Variants in NAV3 observed in about 807,000 individuals in gnomAD.
NAV3 encodes the protein pore membrane and/or filament interacting like protein 1.
In NAV3, 87 loss-of-function variants were observed where a neutral mutation model predicts 244.7. The ratio of observed to expected loss-of-function variants is 0.36; its 90% CI spans 0.30 to 0.42. NAV3 has a LOEUF of 0.42. NAV3 is among the 20% of genes least tolerant of loss of function. NAV3 has a pLI of 1.00. For missense variants in NAV3, 2,663 were observed against 2,893.3 expected (o/e 0.92, Z 1.83); for synonymous variants, 1,126 against 1,042.2 (o/e 1.08, Z -1.55).
intron 9 of NAV3, among the ~76,000 whole-genome samples, chr12:78,026,748 A>G (rs770125): frequency 0.55 from 83,688 of 151,972 alleles, 23,365 homozygotes; most frequent in African/African-American, 0.6. Context: ...TTCTACTTTT[A>G]TCTATTAAGT....
chr12:77,653,322 A>G lies in NAV3; in HGVS notation c.72+81056A>G, dbSNP rs553895150. Among the ~76,000 whole-genome samples the G allele has an allele frequency of 3.0e-4, 46 of 152,342 alleles. 1 individual carries two copies. The Middle Eastern group carries it at 0.01, about 34-fold the overall frequency. The stretch of plus-strand genomic sequence containing the variant: ...GTGCTAATTGAGTATTTGTTGACTG[A>G]CTGAATGAATAAATAAATATTCAGT... On this transcript the variant is annotated intron_variant, in intron 2 of 8. Coordinates refer to the NAV3 transcript ENST00000550042.
chr12:77,758,932 G>A (rs1869328496), intron 2 of NAV3, among the ~76,000 whole-genome samples: 1 of 152,140 alleles, frequency 6.6e-6, no homozygotes, highest in Admixed American at 6.6e-5. Context: ...ATTTCAATAT[G>A]TTCTTAATCT....
At chr12:78,007,836 G>T (rs1460488148) in intron 8 of NAV3, among the ~76,000 whole-genome samples, 1 of 152,072 alleles carries the variant, frequency 6.6e-6, no homozygotes, top group Non-Finnish European at 1.5e-5. Context: ...TATTTTTGTT[G>T]TCATCTTTGG....
At chr12:77,790,036 T>C (rs1000140240) in intron 2 of NAV3, among the ~76,000 whole-genome samples, 9 of 152,238 alleles carry the variant, frequency 5.9e-5, no homozygotes, top group African/African-American at 2.2e-4. Flanking sequence ...TTTTGAGACG[T>C]GGCAAGTCTG....
intron 2 of NAV3, among the ~76,000 whole-genome samples, chr12:77,674,286 A>C (rs1285879000): frequency 6.6e-6 from 1 of 152,126 alleles, no homozygotes; most frequent in Non-Finnish European, 1.5e-5. Context: ...TGACATTTGG[A>C]TTTCTTGCCC....
intron 2 of NAV3, among the ~76,000 whole-genome samples, chr12:77,690,355 A>C (rs1389856716): frequency 1.3e-5 from 2 of 151,846 alleles, no homozygotes; most frequent in African/African-American, 4.8e-5. Context: ...TGAATTTGGA[A>C]CATTAAAAGG....
rs79292002 is a variant in NAV3, at chr12:77,615,282, T to C, written c.72+43016T>C. Among the ~76,000 whole-genome samples, 955 of 152,292 alleles carry C rather than the reference T, an allele frequency of 6.3e-3. 8 individuals are homozygous for C. Among genetic ancestry groups the C allele is most frequent in the African/African-American group, 0.022 (916 of 41,564 alleles). On this transcript the variant is annotated intron_variant, in intron 2 of 8. Coordinates refer to the NAV3 transcript ENST00000550042. The stretch of plus-strand genomic sequence containing the variant: ...TTATTTTTTTGGGTTCGGGAGTACA[T>C]GTACAGGTTTGTTACATGGGTAAAC...
intron 3 of NAV3, among the ~76,000 whole-genome samples, chr12:77,952,589 G>A (rs1479017): frequency 6.6e-6 from 1 of 151,966 alleles, no homozygotes; most frequent in African/African-American, 2.4e-5. Flanking sequence ...TGGCAATTTA[G>A]GTCTTTTGAC....
rs1884750351 is a variant in NAV3, at chr12:78,064,437, G to GCCTT, written c.2636+5325_2636+5326insTCCT. 4.6e-5 allele frequency among the ~76,000 whole-genome samples: 7 copies of GCCTT among 151,392 alleles called. No homozygotes were observed. The South Asian group carries it at 1.5e-3, about 32-fold the overall frequency. ...TGTCTGTCTGTCTGTCTGCCTGCCT[G>GCCTT]CCTGCCTGCCTGCCTGCCTGCCTGC... On this transcript the variant is annotated intron_variant, in intron 12 of 39. Transcript: ENST00000397909.
intron 2 of NAV3, among the ~76,000 whole-genome samples, chr12:77,733,185 T>C (rs1327829136): frequency 6.6e-6 from 1 of 151,944 alleles, no homozygotes; most frequent in Middle Eastern, 3.2e-3. Context: ...AGTGTGCTAG[T>C]AGGCACAGAG....
At chr12:77,862,308 C>T (rs533256670) in intron 1 of NAV3, among the ~76,000 whole-genome samples, 4 of 151,794 alleles carry the variant, frequency 2.6e-5, no homozygotes, top group Admixed American at 1.3e-4. Flanking sequence ...TTTGGTGTGA[C>T]GTTTTAATTA....
chr12:78,120,828 T>A (rs575888582), intron 15 of NAV3, among the ~76,000 whole-genome samples: 34 of 152,240 alleles, frequency 2.2e-4, no homozygotes, highest in Non-Finnish European at 1.8e-4. Context: ...TTTATTCTGT[T>A]GACTAAACCC....
intron 1 of NAV3, among the ~76,000 whole-genome samples, chr12:77,838,350 A>G (rs1466278983): frequency 6.6e-6 from 1 of 152,180 alleles, no homozygotes; most frequent in Non-Finnish European, 1.5e-5. Flanking sequence ...AAATGTGGCC[A>G]TCAGTATTAT....
At chr12:77,742,877 A>G (rs539662375) in intron 2 of NAV3, among the ~76,000 whole-genome samples, 1 of 152,112 alleles carries the variant, frequency 6.6e-6, no homozygotes, top group South Asian at 2.1e-4. Flanking sequence ...CAAATAAAAA[A>G]AAGTAAAAAG....
At chr12:77,633,375 C>T (rs933749486) in intron 2 of NAV3, among the ~76,000 whole-genome samples, 3 of 151,918 alleles carry the variant, frequency 2.0e-5, no homozygotes, top group Non-Finnish European at 2.9e-5. Flanking sequence ...TGTAAAATAA[C>T]GTTATTTTCC....
Position 78,027,257 on chromosome 12 carries a change from G to A in NAV3, c.2023+5395G>A, listed in dbSNP as rs576457950. On this transcript the variant is annotated intron_variant, in intron 9 of 39. Transcript: ENST00000397909. Reference sequence around the variant, plus strand: ...TCAAGACCAGCCTGGACAACATAGTGAGACCCTGTCTCTAAAAAAAAAAAA... The same window carrying A: ...TCAAGACCAGCCTGGACAACATAGTAAGACCCTGTCTCTAAAAAAAAAAAA... Among the ~76,000 whole-genome samples the A allele has an allele frequency of 3.3e-5, 5 of 151,920 alleles. No homozygotes were observed. In the East Asian group the frequency reaches 7.8e-4, roughly 24 times the overall value.
intron 2 of NAV3, among the ~76,000 whole-genome samples, chr12:77,632,395 CG>C (rs1871952848): frequency 1.3e-5 from 2 of 152,060 alleles, no homozygotes; most frequent in South Asian, 4.2e-4. Context: ...TCAATCATGG[CG>C]GATGGCAAGG....
intron 2 of NAV3, among the ~76,000 whole-genome samples, chr12:77,657,330 T>C (rs538248418): frequency 1.8e-4 from 28 of 152,190 alleles, no homozygotes; most frequent in Non-Finnish European, 3.7e-4. Context: ...TACAAACACC[T>C]CTACACAAAT....
At chr12:78,189,837 A>G (rs969546290) in intron 33 of NAV3, 147 bp from the exon 34 acceptor site, 5 of 619,384 alleles carry the variant, frequency 8.1e-6, no homozygotes, top group African/African-American at 5.5e-5. Context: ...ATGGCAACGC[A>G]TATTTGTGGG....
Sources: allele counts gnomAD v4.1 joint callset (sites outside exome capture counted in the v4.1 genomes callset), GRCh38; gene constraint gnomAD v4.1.1; transcripts MANE v1.5; gene names NCBI Gene and HGNC (gene_info 2026-07-23, HGNC 2026-07-21).